Variants in PITPNC1 observed in about 807,000 individuals in gnomAD.
PITPNC1 encodes the protein phosphatidylinositol transfer protein cytoplasmic 1.
PITPNC1 carries 18 observed loss-of-function variants against 44.7 expected under a neutral mutation model. The observed-to-expected ratio is 0.40, with a 90% confidence interval of 0.28 to 0.60. PITPNC1 has a LOEUF of 0.60. Ranked by LOEUF, PITPNC1 falls within the 20% of genes least tolerant of loss-of-function variation. The pLI, the probability that PITPNC1 is intolerant of heterozygous loss-of-function variation, is 0.39. For synonymous variants in PITPNC1, 141 were observed against 149.6 expected (o/e 0.94, Z 0.42); for missense variants, 290 against 418.4 (o/e 0.69, Z 2.68).
chr17:67,574,834 C>T (rs2041116525), intron 4 of PITPNC1, among the ~76,000 whole-genome samples: 2 of 152,078 alleles, frequency 1.3e-5, no homozygotes, highest in South Asian at 4.2e-4. Flanking sequence ...AGTACTGACC[C>T]GCTTGGAGTT....
chr17:67,591,293 GACTAAAGAGATGAGACT>G (rs2041388501), intron 5 of PITPNC1, among the ~76,000 whole-genome samples: 1 of 152,150 alleles, frequency 6.6e-6, no homozygotes, highest in South Asian at 2.1e-4. Context: ...GATTAAAGAA[GACTAAAGAGATGAGACT>G]ACTAAATGCA....
At chr17:67,599,014 ATATATATATATATATATATAT>A (rs1190613294) in intron 5 of PITPNC1, among the ~76,000 whole-genome samples, 269 of 20,178 alleles carry the variant, frequency 0.013, 5 homozygotes, top group African/African-American at 0.029. Context: ...ATATATATAT[ATATATATATATATATATATAT>A]TTTTTTTTTT....
chr17:67,612,100 A>G (rs1284749220), intron 5 of PITPNC1: 1 of 152,234 alleles, frequency 6.6e-6, no homozygotes, highest in Admixed American at 6.5e-5. Context: ...TGATCAAGAA[A>G]GCCTTGGCAG....
At chr17:67,551,104 G>A (rs1393255001) in intron 2 of PITPNC1, among the ~76,000 whole-genome samples, 1 of 152,078 alleles carries the variant, frequency 6.6e-6, no homozygotes, top group African/African-American at 2.4e-5. Flanking sequence ...AAATCATGCA[G>A]ATGTATCTTA....
At chr17:67,605,360 G>A (rs919136466) in intron 5 of PITPNC1, among the ~76,000 whole-genome samples, 4 of 152,144 alleles carry the variant, frequency 2.6e-5, no homozygotes, top group African/African-American at 9.7e-5. Context: ...AACCGTTTAC[G>A]GATTTTCCAT....
intron 1 of PITPNC1, among the ~76,000 whole-genome samples, chr17:67,389,952 T>C (rs898343641): frequency 2.0e-5 from 3 of 152,164 alleles, no homozygotes; most frequent in African/African-American, 7.2e-5. Flanking sequence ...GTGCTGGGAT[T>C]ACAGACGCGA....
At chr17:67,560,483 C>T (rs2040892048) in intron 4 of PITPNC1, among the ~76,000 whole-genome samples, 1 of 152,206 alleles carries the variant, frequency 6.6e-6, no homozygotes, top group African/African-American at 2.4e-5. Flanking sequence ...TTCAACCACA[C>T]AGCAAAGTCA....
chr17:67,458,642 T>C (rs1388560033), intron 1 of PITPNC1, among the ~76,000 whole-genome samples: 1 of 152,200 alleles, frequency 6.6e-6, no homozygotes, highest in African/African-American at 2.4e-5. Context: ...AATTGTAGTT[T>C]TATCATTCCA....
chr17:67,618,984 G>A (rs1047098867), intron 5 of PITPNC1, among the ~76,000 whole-genome samples: 6 of 151,346 alleles, frequency 4.0e-5, no homozygotes, highest in South Asian at 2.1e-4. Context: ...GCGTGAACCC[G>A]GGAGGTGGAT....
chr17:67,466,214 G>GC (rs58516880), intron 1 of PITPNC1, among the ~76,000 whole-genome samples: 1 of 135,592 alleles, frequency 7.4e-6, no homozygotes, highest in Non-Finnish European at 1.6e-5. Flanking sequence ...GTGGGGGGGG[G>GC]CGCGTCTCAC....
At chr17:67,664,641 C>T (rs186182823) in intron 6 of PITPNC1, among the ~76,000 whole-genome samples, 13 of 152,232 alleles carry the variant, frequency 8.5e-5, no homozygotes, top group South Asian at 2.1e-4. Context: ...TGGTGGCTTA[C>T]GCCTGTAATG....
At chr17:67,627,658 C>T (rs1186415411) in intron 5 of PITPNC1, among the ~76,000 whole-genome samples, 1 of 152,114 alleles carries the variant, frequency 6.6e-6, no homozygotes, top group East Asian at 1.9e-4. Flanking sequence ...TTTATCTTAG[C>T]GGTTGGATGC....
chr17:67,389,775 G>A (rs1029027553), intron 1 of PITPNC1, among the ~76,000 whole-genome samples: 2 of 152,014 alleles, frequency 1.3e-5, no homozygotes, highest in African/African-American at 4.8e-5. Context: ...CGCTTCCTGG[G>A]TTCAAGCAAT....
At chr17:67,572,097 C>T (rs2041064883) in intron 4 of PITPNC1, among the ~76,000 whole-genome samples, 1 of 152,188 alleles carries the variant, frequency 6.6e-6, no homozygotes, top group South Asian at 2.1e-4. Flanking sequence ...GATGCTTCAG[C>T]AGCCCTTAGA....
At chr17:67,443,868 C>G (rs1430427754) in intron 1 of PITPNC1, among the ~76,000 whole-genome samples, 4 of 151,968 alleles carry the variant, frequency 2.6e-5, no homozygotes, top group African/African-American at 4.8e-5. Flanking sequence ...CTCCTGACCT[C>G]AGGTGATCTG....
rs571901766 is a variant in PITPNC1 at position 67,388,690 on chromosome 17, G to A, written c.48+10488G>A. Among the ~76,000 whole-genome samples the A allele has an allele frequency of 8.9e-4, 135 of 151,928 alleles. 3 individuals are homozygous for A. In the South Asian group the frequency reaches 0.018, roughly 21 times the overall value. ...GCTGGAGTGCAGTGTGCATGATCTC[G>A]ACTCACTGCAACCTCCACCTCTCGG... On this transcript the variant is annotated intron_variant, in intron 1 of 8. Coordinates refer to ENST00000581322, the MANE Select transcript of PITPNC1 (RefSeq NM_012417.4).
intron 8 of PITPNC1, among the ~76,000 whole-genome samples, chr17:67,681,115 T>A (rs772387557): frequency 8.5e-5 from 13 of 152,226 alleles, no homozygotes; most frequent in Non-Finnish European, 1.9e-4. Context: ...ATTTGTAGTT[T>A]CCATGTGTGT....
intron 1 of PITPNC1, among the ~76,000 whole-genome samples, chr17:67,455,964 CT>C: frequency 6.6e-6 from 1 of 152,238 alleles, no homozygotes; most frequent in Middle Eastern, 3.4e-3. Context: ...GAAACGTACA[CT>C]TATGTACCCA....
chr17:67,583,871 GTGTGTGTGTGTGTGTGTGTGTGTGTT>G (rs1225918920), intron 5 of PITPNC1, among the ~76,000 whole-genome samples: 1 of 119,710 alleles, frequency 8.4e-6, no homozygotes, highest in Non-Finnish European at 1.7e-5. Context: ...AATTTTGTGT[GTGTGTGTGTGTGTGTGTGTGTGTGTT>G]TGTGTGTGTG....
Sources: allele counts gnomAD v4.1 joint callset (sites outside exome capture counted in the v4.1 genomes callset), GRCh38; gene constraint gnomAD v4.1.1; transcripts MANE v1.5; gene names NCBI Gene and HGNC (gene_info 2026-07-23, HGNC 2026-07-21).